The following KIF26B variants were observed in gnomAD, a reference collection of about 807,000 sequenced individuals.
The protein encoded by KIF26B is kinesin-like protein KIF26B.
In KIF26B, 63 loss-of-function variants were observed where a neutral mutation model predicts 151.2. The observed-to-expected ratio is 0.42, with a 90% CI of 0.34 to 0.51. The LOEUF is 0.51. KIF26B is among the 20% of genes least tolerant of loss of function. KIF26B has a pLI of 0.07. For synonymous variants in KIF26B, 1,357 were observed against 1,262.1 expected (o/e 1.08, Z -1.59); for missense variants, 2,813 against 2,913.6 (o/e 0.97, Z 0.79).
chr1:245,600,196 G>A (rs1394795060), intron 5 of KIF26B, among the ~76,000 whole-genome samples: 1 of 119,102 alleles, frequency 8.4e-6, no homozygotes, highest in African/African-American at 3.2e-5. Context: ...CCGCCACCAT[G>A]CCCGGCTAAT....
intron 12 of KIF26B, among the ~76,000 whole-genome samples, chr1:245,695,531 C>T (rs555438032): frequency 1.3e-5 from 2 of 152,308 alleles, no homozygotes; most frequent in African/African-American, 4.8e-5. Context: ...AAATCCAAGA[C>T]ACTTGTTCAT....
chr1:245,198,921 G>A (rs1301192510), intron 2 of KIF26B, among the ~76,000 whole-genome samples: 1 of 148,236 alleles, frequency 6.7e-6, no homozygotes, highest in African/African-American at 2.5e-5. Flanking sequence ...AGCTGGTGGT[G>A]GAAAGGAAGC....
chr1:245,602,583 G>A lies in KIF26B; in HGVS notation c.1357G>A (p.Val453Ile). The A allele has an allele frequency of 6.2e-7, 1 of 1,609,084 alleles. No individual in the cohort carries two copies. Among genetic ancestry groups the A allele is most frequent in the Admixed American group, 1.7e-5 (1 of 59,074 alleles). The part of the protein sequence containing the change: ...KDTPGLGKVK[V>I]MLRICSTLAR... The stretch of plus-strand genomic sequence containing the variant: ...GCCCATCTTTTCTTAACAGGTGAAA[G>A]TCATGCTTCGCATCTGTTCCACCTT... The change falls in exon 6 of 15, where the codon GTC becomes ATC. Residue 453 changes from valine to isoleucine, a missense_variant. Physicochemically the swap from Val to Ile is conservative, Grantham distance 29. Transcript: ENST00000407071. The surrounding 1 kb of genome is among the most constrained non-coding windows in gnomAD (Gnocchi z 4.5).
intron 2 of KIF26B, among the ~76,000 whole-genome samples, chr1:245,160,637 A>G (rs1668516065): frequency 6.6e-6 from 1 of 151,512 alleles, no homozygotes; most frequent in Admixed American, 6.5e-5. Context: ...CATATCAATA[A>G]AAGAAAATCT....
At chr1:245,490,169 T>C (rs1660373553) in intron 4 of KIF26B, among the ~76,000 whole-genome samples, 1 of 152,144 alleles carries the variant, frequency 6.6e-6, no homozygotes, top group Non-Finnish European at 1.5e-5. Flanking sequence ...TTGGGAGTGA[T>C]TTGTGATGTC....
chr1:245,244,714 A>G lies in KIF26B; in HGVS notation c.465+88031A>G, dbSNP rs529113941. ...GTTCCTTGTAACCAGACTTCAAACT[A>G]TCTGAAAACGTTTGTGAGAAGGAAC... is the stretch of plus-strand genomic sequence containing the variant. On this transcript the variant is annotated intron_variant, in intron 2 of 14. Transcript: ENST00000407071. This position sits in a 1 kb window ranked among gnomAD's most constrained non-coding sequence, Gnocchi z 4.2. Among the ~76,000 whole-genome samples the G allele has an allele frequency of 1.5e-4, 22 of 150,780 alleles. No individual in the cohort carries two copies. Among genetic ancestry groups the G allele is most frequent in the Non-Finnish European group, 2.8e-4 (19 of 67,770 alleles).
chr1:245,549,697 G>A (rs765518707), intron 5 of KIF26B, among the ~76,000 whole-genome samples: 5 of 151,992 alleles, frequency 3.3e-5, no homozygotes, highest in African/African-American at 9.7e-5. Context: ...TGAATTGTTC[G>A]TATCAAATAG....
intron 5 of KIF26B, among the ~76,000 whole-genome samples, chr1:245,571,343 TAGAA>T (rs2043064964): frequency 6.6e-6 from 1 of 152,222 alleles, no homozygotes; most frequent in Non-Finnish European, 1.5e-5. Context: ...ACGCTGTTGA[TAGAA>T]AGACACCTAC....
At chr1:245,273,504 C>T (rs142780070) in intron 2 of KIF26B, among the ~76,000 whole-genome samples, 2 of 151,208 alleles carry the variant, frequency 1.3e-5, no homozygotes, top group Non-Finnish European at 3.0e-5. Flanking sequence ...TCCTATTTCT[C>T]TTTTCAATTC....
At chr1:245,283,109 CT>C (rs971712326) in intron 2 of KIF26B, 62 of 166,130 alleles carry the variant, frequency 3.7e-4, no homozygotes, top group African/African-American at 1.4e-3. Context: ...CTGGCTCCCC[CT>C]GCCACCACCT....
chr1:245,589,503 A>G (rs1432457265), intron 5 of KIF26B, among the ~76,000 whole-genome samples: 2 of 152,202 alleles, frequency 1.3e-5, no homozygotes, highest in African/African-American at 4.8e-5. Context: ...GAACAAAATT[A>G]TCATCTCATG....
chr1:245,337,207 T>C (rs1192050532), intron 2 of KIF26B, among the ~76,000 whole-genome samples: 3 of 151,914 alleles, frequency 2.0e-5, no homozygotes, highest in Non-Finnish European at 4.4e-5. Context: ...AGTCTTGCCC[T>C]GTCACCCAGG....
chr1:245,638,287 CAGAT>C (rs2043855434), intron 9 of KIF26B, among the ~76,000 whole-genome samples: 2 of 151,888 alleles, frequency 1.3e-5, no homozygotes, highest in African/African-American at 4.8e-5. Context: ...AGATTGATCA[CAGAT>C]AGCATATAGA....
chr1:245,526,186 C>G (rs775288609), intron 4 of KIF26B, among the ~76,000 whole-genome samples: 6 of 152,204 alleles, frequency 3.9e-5, no homozygotes, highest in Non-Finnish European at 8.8e-5. Context: ...GCTTTTTGGA[C>G]CTGCCTGTGA....
At chr1:245,432,314 C>T (rs534529) in intron 4 of KIF26B, among the ~76,000 whole-genome samples, 1 of 151,824 alleles carries the variant, frequency 6.6e-6, no homozygotes, top group South Asian at 2.1e-4. Context: ...CAGATGTTTT[C>T]GGGGGATAGC....
At chr1:245,216,173 G>A (rs963824264) in intron 2 of KIF26B, 1 of 149,924 alleles carries the variant, frequency 6.7e-6, no homozygotes, top group South Asian at 2.1e-4. Flanking sequence ...TTCTCCTTGA[G>A]TTCCATTTTT....
chr1:245,685,902 A>C lies in KIF26B; in HGVS notation c.2919A>C (p.Pro973=), dbSNP rs769997988. The change falls in exon 12 of 15, where the codon CCA becomes CCC. Residue 973 remains proline (P), a synonymous_variant. Coordinates refer to ENST00000407071, the MANE Select transcript of KIF26B (RefSeq NM_018012.4). ...TAAGCCAAGCAGCGGGGGCAAGCCCACTCTCTGAGTCTGATAAGGAAGATA... is the reference window on the plus strand; with the variant it reads ...TAAGCCAAGCAGCGGGGGCAAGCCCCCTCTCTGAGTCTGATAAGGAAGATA... The part of the protein sequence containing the change: ...PRLSQAAGAS[P]LSESDKEDNG... The C allele has an allele frequency of 2.0e-5, 33 of 1,612,854 alleles. No individual in the cohort carries two copies. In the East Asian group the frequency reaches 6.9e-4, roughly 34 times the overall value.
rs947101 is a variant in KIF26B at position 245,703,282 on chromosome 1, G to C, written c.*676G>C. On this transcript the variant is annotated 3_prime_UTR_variant, in exon 15 of 15. Transcript: ENST00000407071. ...TCTGGTGAGGCCACTCAAACAGAGA[G>C]ACTTCCCTCGGCACGAGCCAGTGTG... 0.36 allele frequency: 55,562 copies of C among 152,426 alleles called. 11,115 individuals are homozygous for C. Among genetic ancestry groups the C allele is most frequent in the East Asian group, 0.54 (2,799 of 5,170 alleles). The allele number at this position is 152,426 out of a possible 1,614,324, so 9.4% of individuals were successfully genotyped here.
chr1:245,611,963 C>T lies in KIF26B; in HGVS notation c.2085C>T (p.Ser695=), dbSNP rs61741293. Residue 695 remains serine, a synonymous_variant, in exon 9 of 15, where the codon AGC becomes AGT. Coordinates refer to ENST00000407071, the MANE Select transcript of KIF26B (RefSeq NM_018012.4). The stretch of plus-strand genomic sequence containing the variant: ...TCTACCAGTACCGGATGGAGAAGAG[C>T]GGGAAAGGGGGAAGTAAGTCGGCCA... ...LHIYQYRMEK[S]GKGGMSGGRS... 3,465 of 1,611,728 alleles carry T rather than the reference C, an allele frequency of 2.1e-3. 63 individuals are homozygous for T. The African/African-American group carries it at 0.038, about 17-fold the overall frequency.
Sources: allele counts gnomAD v4.1 joint callset (sites outside exome capture counted in the v4.1 genomes callset), GRCh38; gene constraint gnomAD v4.1.1; non-coding constraint Gnocchi (gnomAD v3.1); transcripts MANE v1.5; gene names NCBI Gene and HGNC (gene_info 2026-07-23, HGNC 2026-07-21).